Variants in KPNA2 observed in about 807,000 individuals in gnomAD.
KPNA2 encodes karyopherin subunit alpha 2.
KPNA2 carries 20 observed loss-of-function variants against 53.7 expected under a neutral mutation model. That is an observed-to-expected ratio of 0.37 (90% CI 0.26 to 0.54). KPNA2 has a LOEUF of 0.54. KPNA2 is among the 20% of genes least tolerant of loss of function. The pLI is 0.83. For missense variants in KPNA2, 515 were observed against 640.3 expected, an observed-to-expected ratio of 0.80 and a Z score of 2.11; for synonymous variants, 238 against 227.5, an observed-to-expected ratio of 1.05 and a Z score of -0.42.
chr17:68,043,753 G>T (rs2071292835), intron 7 of KPNA2, 85 bp from the exon 8 acceptor site: 3 of 809,136 alleles, frequency 3.7e-6, no homozygotes, highest in African/African-American at 1.7e-5. Flanking sequence ...GCCATGATGG[G>T]CCTCTTGTTA....
At chr17:68,037,304 C>T in intron 2 of KPNA2, 54 bp from the exon 3 acceptor site, 1 of 1,590,798 alleles carries the variant, frequency 6.3e-7, no homozygotes, top group Non-Finnish European at 8.5e-7. Flanking sequence ...AATGCCCTCA[C>T]TTAGCAACAA....
At chr17:68,038,462 CA>C (rs1248643375) in intron 3 of KPNA2, among the ~76,000 whole-genome samples, 2 of 152,120 alleles carry the variant, frequency 1.3e-5, no homozygotes, top group African/African-American at 4.8e-5. Context: ...TATTTGTCAC[CA>C]GCTTTGTTCA....
Position 68,043,327 on chromosome 17 carries a change from T to C in KPNA2, c.894T>C (p.Leu298=). The part of the protein sequence containing the change: ...MVVKTGVVPQ[L]VKLLGASELP... ...TGAAAACAGGAGTTGTGCCCCAACTTGTGAAGCTTCTAGGAGCTTCTGAAT... is the reference window on the plus strand; with the variant it reads ...TGAAAACAGGAGTTGTGCCCCAACTCGTGAAGCTTCTAGGAGCTTCTGAAT... The change falls in exon 7 of 11, where the codon CTT becomes CTC. Residue 298 remains leucine, a synonymous_variant. Coordinates refer to ENST00000330459, the MANE Select transcript of KPNA2 (RefSeq NM_002266.4). 5.6e-6 allele frequency: 9 copies of C among 1,614,214 alleles called. No homozygotes were observed. The highest frequency in any genetic ancestry group is 7.6e-6 in the Non-Finnish European group (9 of 1,180,028).
At chr17:68,045,578 A>T in intron 9 of KPNA2, 194 bp from the exon 10 acceptor site, 1 of 458,224 alleles carries the variant, frequency 2.2e-6, no homozygotes, top group East Asian at 3.2e-5. Flanking sequence ...AAGTAGTGCT[A>T]AAAGCAGGTA....
intron 3 of KPNA2, among the ~76,000 whole-genome samples, chr17:68,040,223 C>A (rs2071241566): frequency 1.3e-5 from 2 of 148,960 alleles, no homozygotes; most frequent in South Asian, 4.3e-4. Context: ...GAGACAAGGT[C>A]TTGTATGGCG....
rs782191479 is a variant in KPNA2 at position 68,045,852 on chromosome 17, A to G, written c.1428A>G (p.Leu476=). The G allele has an allele frequency of 5.0e-6, 8 of 1,609,502 alleles. No individual in the cohort carries two copies. The highest frequency in any genetic ancestry group is 2.2e-5 in the South Asian group (2 of 90,554). The change falls in exon 10 of 11, where the codon CTA becomes CTG. Residue 476 remains leucine, a synonymous_variant. Coordinates refer to ENST00000330459, the MANE Select transcript of KPNA2 (RefSeq NM_002266.4). ...GAGGCTTAGACAAAATTGAAGCTCT[A>G]CAAAACCATGAAAATGAGTCTGTGT... ...ECGGLDKIEA[L]QNHENESVYK... is the part of the protein sequence containing the mutation.
At chr17:68,040,557 A>G (rs2071247678) in intron 3 of KPNA2, 121 bp from the exon 4 acceptor site, 1 of 648,298 alleles carries the variant, frequency 1.5e-6, no homozygotes, top group South Asian at 1.9e-5. Context: ...ATGTAGGGCT[A>G]AATATTTAGT....
chr17:68,037,813 TC>T (rs1396953663), intron 3 of KPNA2, among the ~76,000 whole-genome samples: 2 of 150,732 alleles, frequency 1.3e-5, no homozygotes, highest in African/African-American at 2.4e-5. Flanking sequence ...TTTTTTTTTT[TC>T]CCCCGAGATG....
In KPNA2 at chr17:68,045,887, C is replaced by T. The variant is rs781870365; in HGVS notation, c.1463C>T (p.Ser488Leu). Residue 488 changes from serine (S) to leucine (L), a missense_variant, in exon 10 of 11, where the codon TCG (serine) becomes TTG (leucine). By Grantham distance (145) the Ser-to-Leu change is moderately radical (BLOSUM62 -2). Transcript: ENST00000330459. The stretch of plus-strand genomic sequence containing the variant: ...GAAAATGAGTCTGTGTATAAGGCTT[C>T]GTTAAGCTTAATTGAGAAGTATTTC... ...NHENESVYKA[S>L]LSLIEKYFSV... The T allele has an allele frequency of 6.9e-6, 11 of 1,593,144 alleles. No homozygotes were observed. Among genetic ancestry groups the T allele is most frequent in the Admixed American group, 1.7e-5 (1 of 57,694 alleles).
intron 1 of KPNA2, among the ~76,000 whole-genome samples, chr17:68,036,710 T>C (rs2071194296): frequency 6.6e-6 from 1 of 152,204 alleles, no homozygotes; most frequent in African/African-American, 2.4e-5. Context: ...AAAGATGGAG[T>C]ATGGAAAAAG....
Position 68,043,280 on chromosome 17 carries a change from A to T in KPNA2, c.847A>T (p.Asn283Tyr). Residue 283 changes from asparagine to tyrosine, a missense_variant, in exon 7 of 11, where the codon AAT (asparagine) becomes TAT (tyrosine). Coordinates refer to ENST00000330459, the MANE Select transcript of KPNA2 (RefSeq NM_002266.4). ...WAISYLTDGP[N>Y]ERIGMVVKTG... ...TATTTCCTACCTTACTGATGGTCCAAATGAACGAATTGGCATGGTGGTGAA... is the reference window on the plus strand; with the variant it reads ...TATTTCCTACCTTACTGATGGTCCATATGAACGAATTGGCATGGTGGTGAA... 1 of 1,614,198 alleles carries T rather than the reference A, an allele frequency of 6.2e-7. No individual in the cohort carries two copies. The highest frequency in any genetic ancestry group is 1.1e-5 in the South Asian group (1 of 91,084).
Position 68,040,666 on chromosome 17 carries a change from C to T in KPNA2, c.214-12C>T, listed in dbSNP as rs782485060. 1 of 1,582,244 alleles carries T rather than the reference C, an allele frequency of 6.3e-7. No homozygotes were observed. The highest frequency in any genetic ancestry group is 8.7e-7 in the Non-Finnish European group (1 of 1,154,092). ...CTTAATGATAATGTGCAAACTTTCA[C>T]TTTTCTTCTAGGGCACTGTAAATTG... On this transcript the variant is annotated splice_polypyrimidine_tract_variant and intron_variant, in intron 3 of 10. Coordinates refer to ENST00000330459, the MANE Select transcript of KPNA2 (RefSeq NM_002266.4).
At chr17:68,043,794 C>A in intron 7 of KPNA2, 44 bp from the exon 8 acceptor site, 1 of 1,259,978 alleles carries the variant, frequency 7.9e-7, no homozygotes, top group Non-Finnish European at 1.2e-6. Flanking sequence ...TTCTAAAGTG[C>A]TGGGGAAAAA....
chr17:68,040,699 G>A lies in KPNA2; in HGVS notation c.235G>A (p.Asp79Asn). 1 of 1,612,996 alleles carries A rather than the reference G, an allele frequency of 6.2e-7. No individual in the cohort carries two copies. Among genetic ancestry groups the A allele is most frequent in the East Asian group, 2.2e-5 (1 of 44,870 alleles). Residue 79 changes from aspartate to asparagine, a missense_variant, in exon 4 of 11, where the codon GAT becomes AAT. Asp to Asn is a conservative substitution (Grantham distance 23). Coordinates refer to ENST00000330459, the MANE Select transcript of KPNA2 (RefSeq NM_002266.4). ...NNQGTVNWSV[D>N]DIVKGINSSN... Reference sequence around the variant, plus strand: ...CTAGGGCACTGTAAATTGGTCTGTTGATGACATTGTCAAAGGCATAAATAG... The same window carrying A: ...CTAGGGCACTGTAAATTGGTCTGTTAATGACATTGTCAAAGGCATAAATAG...
intron 1 of KPNA2, 69 bp from the exon 2 acceptor site, chr17:68,037,038 GTTC>G (rs1283495738): frequency 1.6e-5 from 16 of 984,308 alleles, no homozygotes; most frequent in Non-Finnish European, 2.1e-5. Context: ...TGATAATTCA[GTTC>G]TTATTTGGTA....
At chr17:68,037,924 G>T (rs2071209718) in intron 3 of KPNA2, among the ~76,000 whole-genome samples, 1 of 151,672 alleles carries the variant, frequency 6.6e-6, no homozygotes, top group Non-Finnish European at 1.5e-5. Flanking sequence ...ACAGCCTCCT[G>T]AGTAGCTGGG....
intron 3 of KPNA2, among the ~76,000 whole-genome samples, chr17:68,038,121 C>T (rs1254849059): frequency 7.2e-5 from 11 of 152,160 alleles, no homozygotes; most frequent in Admixed American, 4.6e-4. Flanking sequence ...GGACTACAGG[C>T]GCCCGCACCC....
At position 68,043,100 on chromosome 17, in the gene KPNA2, T is replaced by C. The variant is rs1555704861; in HGVS notation, c.667T>C (p.Cys223Arg). Residue 223 changes from cysteine (C) to arginine (R), a missense_variant and splice_region_variant, in exon 7 of 11, where the codon TGT becomes CGT. Cys to Arg is a radical substitution (Grantham distance 180). Transcript: ENST00000330459. ...TCATTGCCTATTTTTTTTCCCCCAG[T>C]GTGGCTACTTACGTAATCTTACCTG... ...LAVPDMSSLA[C>R]GYLRNLTWTL... 1.2e-6 allele frequency: 2 copies of C among 1,613,896 alleles called. No individual in the cohort carries two copies. Among genetic ancestry groups the C allele is most frequent in the African/African-American group, 1.3e-5 (1 of 74,892 alleles).
chr17:68,038,130 C>G (rs1555704030), intron 3 of KPNA2, among the ~76,000 whole-genome samples: 1 of 152,178 alleles, frequency 6.6e-6, no homozygotes, highest in Non-Finnish European at 1.5e-5. Context: ...GCGCCCGCAC[C>G]CTGTCTGGCT....
Sources: gnomAD v4.1 joint callset for allele counts (sites outside exome capture counted in the v4.1 genomes callset) on GRCh38, gnomAD v4.1.1 for gene constraint, MANE v1.5 for transcripts, NCBI Gene and HGNC (gene_info 2026-07-23, HGNC 2026-07-21) for gene names.